The following HSD17B1 variants were observed in gnomAD, a reference collection of about 807,000 sequenced individuals.
The protein encoded by HSD17B1 is hydroxysteroid 17-beta dehydrogenase 1, also known as 17-beta-hydroxysteroid dehydrogenase type 1.
HSD17B1 carries 16 observed loss-of-function variants against 22.7 expected under a neutral mutation model. The ratio of observed to expected loss-of-function variants is 0.71; its 90% CI spans 0.48 to 1.07. The LOEUF (loss-of-function observed/expected upper bound fraction) is 1.07. Among genes scored for constraint, HSD17B1 ranks in the 50% least tolerant of loss-of-function variants. The probability of loss-of-function intolerance (pLI) is 0.00; values close to 1 mark genes in which losing one functional copy is unlikely to be tolerated. For missense variants in HSD17B1, 533 were observed against 459.9 expected (o/e 1.16, Z -1.45); for synonymous variants, 243 against 211.0 (o/e 1.15, Z -1.31).
chr17:42,553,728 G>C, intron 3 of HSD17B1, 66 bp from the exon 4 acceptor site: 1 of 1,597,070 alleles, frequency 6.3e-7, no homozygotes, highest in Non-Finnish European at 8.6e-7. Context: ...AGCTTGGAGG[G>C]GCACCGTCTG....
rs766145771 is a variant in HSD17B1 at position 42,554,692 on chromosome 17, C to G, written c.741C>G (p.Ala247=). The G allele has an allele frequency of 1.2e-6, 2 of 1,603,896 alleles. No individual in the cohort carries two copies. Among genetic ancestry groups the G allele is most frequent in the Admixed American group, 1.7e-5 (1 of 59,986 alleles). Residue 247 remains alanine, a synonymous_variant, in exon 6 of 6, where the codon GCC becomes GCG. Transcript: ENST00000585807. ...VAEVFLTALR[A]PKPTLRYFTT... The stretch of plus-strand genomic sequence containing the variant: ...AGGTCTTCCTCACCGCTTTGCGCGC[C>G]CCGAAGCCGACCCTGCGCTACTTCA...
chr17:42,553,396 G>C, intron 2 of HSD17B1, 43 bp from the exon 3 acceptor site: 1 of 1,607,994 alleles, frequency 6.2e-7, no homozygotes, highest in Non-Finnish European at 8.5e-7. Flanking sequence ...GCCGTGCTGA[G>C]GGTGATGCTG....
chr17:42,553,261 C>A lies in HSD17B1; in HGVS notation c.235C>A (p.Arg79Ser). 6.2e-7 allele frequency: 1 copy of A among 1,611,466 alleles called. No individual in the cohort carries two copies. Among genetic ancestry groups the A allele is most frequent in the Non-Finnish European group, 8.5e-7 (1 of 1,179,936 alleles). ...DSKSVAAARE[R>S]VTEGRVDVLV... ...AAAATCCGTGGCCGCTGCCCGGGAACGCGTGACTGAGGGCCGCGTGGACGT... is the reference window on the plus strand; with the variant it reads ...AAAATCCGTGGCCGCTGCCCGGGAAAGCGTGACTGAGGGCCGCGTGGACGT... The change falls in exon 2 of 6, where the codon CGC (arginine) becomes AGC (serine). Residue 79 changes from arginine (R) to serine (S), a missense_variant. Coordinates refer to ENST00000585807, the MANE Select transcript of HSD17B1 (RefSeq NM_000413.4).
chr17:42,554,477 G>T lies in HSD17B1; in HGVS notation c.612G>T (p.Val204=). The part of the protein sequence containing the change: ...MEKVLGSPEE[V]LDRTDIHTFH... Reference sequence around the variant, plus strand: ...AGGTGTTGGGCAGCCCAGAGGAGGTGCTGGACCGCACGGACATCCACACCT... The same window carrying T: ...AGGTGTTGGGCAGCCCAGAGGAGGTTCTGGACCGCACGGACATCCACACCT... The change falls in exon 5 of 6, where the codon GTG becomes GTT. Residue 204 remains valine, a synonymous_variant. Transcript: ENST00000585807. 2 of 1,613,784 alleles carry T rather than the reference G, an allele frequency of 1.2e-6. No individual in the cohort carries two copies. The highest frequency in any genetic ancestry group is 1.7e-6 in the Non-Finnish European group (2 of 1,179,862).
intron 5 of HSD17B1, 38 bp downstream of exon 5, chr17:42,554,620 C>G (rs765477562): frequency 6.2e-7 from 1 of 1,606,490 alleles, no homozygotes. Flanking sequence ...GGGGGCGGTG[C>G]GTCCTCCGGC....
chr17:42,553,690 CG>C, intron 3 of HSD17B1, 72 bp downstream of exon 3: 1 of 1,592,476 alleles, frequency 6.3e-7, no homozygotes, highest in South Asian at 1.1e-5. Flanking sequence ...AGGCAGGTTC[CG>C]CGGGGGGGGT....
chr17:42,553,660 T>C (rs2092951961), intron 3 of HSD17B1, 42 bp downstream of exon 3: 6 of 1,596,178 alleles, frequency 3.8e-6, no homozygotes, highest in Non-Finnish European at 5.1e-6. Flanking sequence ...AGATTCTTTG[T>C]GTGCGGAGCT....
rs1195616002 is a variant in HSD17B1, at chr17:42,554,833, T to TGGGGCCGAGGCTGGGGGC, written c.890_907dup (p.Glu297_Ala302dup). 7.5e-6 allele frequency: 12 copies of TGGGGCCGAGGCTGGGGGC among 1,595,204 alleles called. No individual in the cohort carries two copies. Among genetic ancestry groups the TGGGGCCGAGGCTGGGGGC allele is most frequent in the African/African-American group, 2.7e-5 (2 of 74,586 alleles). ...GCGACGTTCCGGCAAAGGCCGAGGC[T>TGGGGCCGAGGCTGGGGGC]GGGGCCGAGGCTGGGGGCGGGGCCG... On this transcript the variant is annotated inframe_insertion, in exon 6 of 6. Transcript: ENST00000585807.
chr17:42,554,616 G>A (rs1379176817), intron 5 of HSD17B1, 34 bp downstream of exon 5: 4 of 1,607,828 alleles, frequency 2.5e-6, no homozygotes, highest in Non-Finnish European at 3.4e-6. Context: ...GAGTGGGGGC[G>A]GTGCGTCCTC....
At chr17:42,554,153 C>T (rs1440472237) in intron 4 of HSD17B1, 3 of 653,832 alleles carry the variant, frequency 4.6e-6, no homozygotes, top group Non-Finnish European at 7.8e-6. Flanking sequence ...GGCCAGGGAC[C>T]CCGCTAGATT....
At chr17:42,553,760 G>T in intron 3 of HSD17B1, 34 bp from the exon 4 acceptor site, 1 of 1,605,622 alleles carries the variant, frequency 6.2e-7, no homozygotes, top group Non-Finnish European at 8.5e-7. Context: ...CCCCCTGGCC[G>T]CTGCGCCTCA....
At chr17:42,554,270 G>A in intron 4 of HSD17B1, 135 bp from the exon 5 acceptor site, 3 of 1,270,482 alleles carry the variant, frequency 2.4e-6, no homozygotes, top group African/African-American at 1.5e-5. Flanking sequence ...CGCCCTTTCC[G>A]CCTCACTTCC....
At position 42,553,589 on chromosome 17, in the gene HSD17B1, T is replaced by G. The variant is rs773584031; in HGVS notation, c.416T>G (p.Leu139Trp). Residue 139 changes from leucine (L) to tryptophan (W), a missense_variant, in exon 3 of 6, where the codon TTG (leucine) becomes TGG (tryptophan). Leu to Trp is a moderately conservative substitution (Grantham distance 61, BLOSUM62 -2). Coordinates refer to ENST00000585807, the MANE Select transcript of HSD17B1 (RefSeq NM_000413.4). ...AAGAGGCGCGGTTCGGGACGCGTGT[T>G]GGTGACCGGGAGCGTGGGAGGATTG... ...DMKRRGSGRV[L>W]VTGSVGGLMG... 6.2e-7 allele frequency: 1 copy of G among 1,611,078 alleles called. No homozygotes were observed. Among genetic ancestry groups the G allele is most frequent in the East Asian group, 2.2e-5 (1 of 44,874 alleles).
chr17:42,555,047 G>T lies in HSD17B1; in HGVS notation c.*109G>T. 1 of 1,386,804 alleles carries T rather than the reference G, an allele frequency of 7.2e-7. No individual in the cohort carries two copies. Among genetic ancestry groups the T allele is most frequent in the South Asian group, 1.7e-5 (1 of 60,262 alleles). 85.9% of individuals were successfully genotyped at this position (1,386,804 alleles called of 1,614,324 possible). Reference sequence around the variant, plus strand: ...TGTGGGTGGCTAATTAAGATAGATCGCGTTAGCCAGTTTTACCAGCGCAGC... The same window carrying T: ...TGTGGGTGGCTAATTAAGATAGATCTCGTTAGCCAGTTTTACCAGCGCAGC... On this transcript the variant is annotated 3_prime_UTR_variant, in exon 6 of 6. Transcript: ENST00000585807.
In HSD17B1 at chr17:42,555,086, T is replaced by G. The variant is rs2092959116; in HGVS notation, c.*148T>G. On this transcript the variant is annotated 3_prime_UTR_variant, in exon 6 of 6. Transcript: ENST00000585807. ...TACCAGCGCAGCTAGGCGCGATGGC[T>G]GTCGCCTGTAATGCCAGCGCTTTGG... 7.3e-7 allele frequency: 1 copy of G among 1,364,558 alleles called. No homozygotes were observed. The highest frequency in any genetic ancestry group is 2.9e-5 in the East Asian group (1 of 34,638). 84.5% of individuals were successfully genotyped at this position (1,364,558 alleles called of 1,614,324 possible). A position where few individuals can be genotyped will look rare whatever the true frequency, so the allele number is the denominator to read the frequency against.
At chr17:42,553,341 G>C (rs888198337) in intron 2 of HSD17B1, 50 bp downstream of exon 2, 50 of 1,603,072 alleles carry the variant, frequency 3.1e-5, no homozygotes, top group Non-Finnish European at 3.7e-5. Context: ...TCCGCCCTGC[G>C]TTGAAACCAA....
At position 42,553,513 on chromosome 17, in the gene HSD17B1, G is replaced by A. The variant is rs777385043; in HGVS notation, c.340G>A (p.Val114Met). 3.1e-6 allele frequency: 5 copies of A among 1,614,044 alleles called. No individual in the cohort carries two copies. The South Asian group carries it at 3.3e-5, about 11-fold the overall frequency. The change falls in exon 3 of 6, where the codon GTG becomes ATG. Residue 114 changes from valine (V) to methionine (M), a missense_variant. Physicochemically the swap from Val to Met is conservative, Grantham distance 21 (BLOSUM62 1). Transcript: ENST00000585807. Reference protein sequence around the residue: ...GEDAVASVLDVNVVGTVRMLQ... With the variant: ...GEDAVASVLDMNVVGTVRMLQ... Reference sequence around the variant, plus strand: ...GGACGCCGTGGCCTCTGTGCTGGACGTGAATGTAGTAGGGACTGTGCGGAT... The same window carrying A: ...GGACGCCGTGGCCTCTGTGCTGGACATGAATGTAGTAGGGACTGTGCGGAT...
intron 4 of HSD17B1, 156 bp downstream of exon 4, chr17:42,554,043 C>G (rs1841355718): frequency 2.8e-6 from 2 of 711,630 alleles, no homozygotes; most frequent in Middle Eastern, 4.7e-4. Context: ...GCGCATGGCA[C>G]GCATTGTGCC....
rs2092952144 is a variant in HSD17B1, at chr17:42,553,693, G to C, written c.445+75G>C. ...GCTGAGCCTTGAAGGCAGGTTCCGC[G>C]GGGGGGGTGGAGTGGGGTGCCGTCA... On this transcript the variant is annotated intron_variant, in intron 3 of 5. Transcript: ENST00000585807. The C allele has an allele frequency of 1.9e-5, 30 of 1,575,958 alleles. 1 individual carries two copies. In the South Asian group the frequency reaches 3.4e-4, roughly 18 times the overall value.
Sources: gnomAD v4.1 joint callset for allele counts on GRCh38, gnomAD v4.1.1 for gene constraint, MANE v1.5 for transcripts, NCBI Gene and HGNC (gene_info 2026-07-23, HGNC 2026-07-21) for gene names.